The following SCN4A variants were observed in gnomAD, a reference collection of about 807,000 sequenced individuals.
The protein encoded by SCN4A is sodium voltage-gated channel alpha subunit 4.
A neutral mutation model predicts 162.0 loss-of-function variants in SCN4A; 83 were observed. The observed-to-expected ratio is 0.51, with a 90% CI of 0.43 to 0.61. The LOEUF is 0.61. Ranked by LOEUF, SCN4A falls within the 20% of genes least tolerant of loss-of-function variation. The probability of loss-of-function intolerance (pLI) is 0.00; values close to 1 mark genes in which losing one functional copy is unlikely to be tolerated. For synonymous variants in SCN4A, 944 were observed against 985.1 expected, an observed-to-expected ratio of 0.96 and a Z score of 0.78; for missense variants, 2,196 against 2,462.5, an observed-to-expected ratio of 0.89 and a Z score of 2.29.
Position 63,950,368 on chromosome 17 carries a change from C to T in SCN4A, c.2854-840G>A, listed in dbSNP as rs918127024. On this transcript the variant is annotated intron_variant, in intron 14 of 23. Coordinates refer to ENST00000435607, the MANE Select transcript of SCN4A (RefSeq NM_000334.4). This position sits in a 1 kb window ranked among gnomAD's most constrained non-coding sequence, Gnocchi z 4.6. ...AGGGCATCCACTGAGTTGCTTGCCC[C>T]GATTGTGCACTCAACTCCCTAAATC... Among the ~76,000 whole-genome samples, 10 of 152,206 alleles carry T rather than the reference C, an allele frequency of 6.6e-5. No individual in the cohort carries two copies. Among genetic ancestry groups the T allele is most frequent in the African/African-American group, 1.9e-4 (8 of 41,530 alleles).
At chr17:63,949,676 G>T in intron 14 of SCN4A, 148 bp from the exon 15 acceptor site, 1 of 954,632 alleles carries the variant, frequency 1.0e-6, no homozygotes, top group Non-Finnish European at 1.5e-6. Context: ...TCCAGCCCTG[G>T]ATGGTCGAGG....
intron 5 of SCN4A, 138 bp downstream of exon 5, chr17:63,971,024 C>A: frequency 1.5e-6 from 1 of 650,514 alleles, no homozygotes. Context: ...CACGTGGGCC[C>A]CTGTATGTCC....
Position 63,944,443 on chromosome 17 carries a change from C to T in SCN4A, c.3912+230G>A, listed in dbSNP as rs148501099. Among the ~76,000 whole-genome samples, 72 of 152,262 alleles carry T rather than the reference C, an allele frequency of 4.7e-4. No individual in the cohort carries two copies. The highest frequency in any genetic ancestry group is 1.7e-3 in the African/African-American group (69 of 41,552). On this transcript the variant is annotated intron_variant, in intron 21 of 23. Coordinates refer to ENST00000435607, the MANE Select transcript of SCN4A (RefSeq NM_000334.4). The surrounding 1 kb of genome is among the most constrained non-coding windows in gnomAD (Gnocchi z 4.3). ...TGCTGGGATTACAAGCATGAGCCACCGTGCCTGGCCCAGCAGTCTCATTTT... is the reference window on the plus strand; with the variant it reads ...TGCTGGGATTACAAGCATGAGCCACTGTGCCTGGCCCAGCAGTCTCATTTT...
In SCN4A at chr17:63,945,708, A is replaced by G; in HGVS notation, c.3442-70T>C. 6.7e-7 allele frequency: 1 copy of G among 1,488,350 alleles called. No homozygotes were observed. Among genetic ancestry groups the G allele is most frequent in the Non-Finnish European group, 9.2e-7 (1 of 1,088,644 alleles). The allele number at this position is 1,488,350 out of a possible 1,614,324, so 92.2% of individuals were successfully genotyped here. ...AGAGAGGGCTCCACATCTCTACGCC[A>G]CCCAGGGGACCAGGCAGAGCTGGGC... On this transcript the variant is annotated intron_variant, in intron 18 of 23. Coordinates refer to ENST00000435607, the MANE Select transcript of SCN4A (RefSeq NM_000334.4). This position sits in a 1 kb window ranked among gnomAD's most constrained non-coding sequence, Gnocchi z 4.4.
Position 63,961,408 on chromosome 17 carries a change from A to G in SCN4A, c.1630T>C (p.Cys544Arg). Residue 544 changes from cysteine to arginine, a missense_variant, in exon 11 of 24, where the codon TGC (cysteine) becomes CGC (arginine). Physicochemically the swap from Cys to Arg is radical, Grantham distance 180 (BLOSUM62 -3). Transcript: ENST00000435607. ...GCGCACTTGTACCACCATGGTGGGC[A>G]CTTTTGGTGGGCCTCTTCCAGTTCT... ...MEELEEAHQK[C>R]PPWWYKCAHK... is the part of the protein sequence containing the mutation. 6.2e-7 allele frequency: 1 copy of G among 1,613,358 alleles called. No homozygotes were observed. The highest frequency in any genetic ancestry group is 8.5e-7 in the Non-Finnish European group (1 of 1,179,442).
At chr17:63,955,234 T>C (rs1005392914) in intron 13 of SCN4A, among the ~76,000 whole-genome samples, 4 of 152,306 alleles carry the variant, frequency 2.6e-5, no homozygotes, top group Non-Finnish European at 5.9e-5. Flanking sequence ...TAACATTACC[T>C]GTCTCATGGG....
chr17:63,961,375 C>G lies in SCN4A; in HGVS notation c.1663G>C (p.Val555Leu). 6.2e-7 allele frequency: 1 copy of G among 1,613,876 alleles called. No homozygotes were observed. The highest frequency in any genetic ancestry group is 8.5e-7 in the Non-Finnish European group (1 of 1,179,828). ...PPWWYKCAHK[V>L]LIWNCCAPWL... ...GGGGCGCAGCAGTTCCATATGAGCA[C>G]TTTGTGGGCGCACTTGTACCACCAT... The change falls in exon 11 of 24, where the codon GTG becomes CTG. Residue 555 changes from valine to leucine, a missense_variant. Coordinates refer to ENST00000435607, the MANE Select transcript of SCN4A (RefSeq NM_000334.4).
rs758946568 is a variant in SCN4A, at chr17:63,951,568, G to A, written c.2709C>T (p.Pro903=). 1.9e-6 allele frequency: 3 copies of A among 1,613,988 alleles called. No homozygotes were observed. The highest frequency in any genetic ancestry group is 2.5e-6 in the Non-Finnish European group (3 of 1,179,868). The part of the protein sequence containing the change: ...ILNHMGLADG[P]PSSLELDHLN... ...GGTGGTCCAGCTCGAGGCTGGATGG[G>A]GGGCCGTCAGCCAGGCCCATGTGGT... is the stretch of plus-strand genomic sequence containing the variant. The change falls in exon 14 of 24, where the codon CCC becomes CCT. Residue 903 remains proline (P), a synonymous_variant. Coordinates refer to ENST00000435607, the MANE Select transcript of SCN4A (RefSeq NM_000334.4). This position sits in a 1 kb window ranked among gnomAD's most constrained non-coding sequence, Gnocchi z 4.5.
chr17:63,943,944 C>A (rs1043393381), intron 21 of SCN4A, 94 bp from the exon 22 acceptor site: 8 of 740,968 alleles, frequency 1.1e-5, no homozygotes, highest in African/African-American at 1.7e-5. Flanking sequence ...ACCTTTAAGG[C>A]AGCCCCCGCC....
At chr17:63,955,827 C>T (rs1474235909) in intron 13 of SCN4A, among the ~76,000 whole-genome samples, 1 of 152,222 alleles carries the variant, frequency 6.6e-6, no homozygotes, top group African/African-American at 2.4e-5. Context: ...GCTGAGGTGA[C>T]ACCCCCTTCC....
chr17:63,947,133 C>G lies in SCN4A; in HGVS notation c.3353G>C (p.Gly1118Ala). 6.2e-7 allele frequency: 1 copy of G among 1,613,486 alleles called. No homozygotes were observed. Among genetic ancestry groups the G allele is most frequent in the Non-Finnish European group, 8.5e-7 (1 of 1,179,768 alleles). The change falls in exon 18 of 24, where the codon GGC (glycine) becomes GCC (alanine). Residue 1118 changes from glycine to alanine, a missense_variant. Physicochemically the swap from Gly to Ala is moderately conservative, Grantham distance 60. Transcript: ENST00000435607. The part of the protein sequence containing the change: ...SIISLVANWL[G>A]YSELGPIKSL... ...TTTGATGGGTCCCAGCTCCGAGTAGCCCAGCCAGTTGGCCACCAAGCTGAT... is the reference window on the plus strand; with the variant it reads ...TTTGATGGGTCCCAGCTCCGAGTAGGCCAGCCAGTTGGCCACCAAGCTGAT...
chr17:63,957,664 T>C (rs2144793548), intron 12 of SCN4A, 146 bp from the exon 13 acceptor site: 1 of 619,858 alleles, frequency 1.6e-6, no homozygotes. Context: ...TTCTGCTAAA[T>C]GGGAACACTC....
rs1263024807 is a variant in SCN4A at position 63,944,306 on chromosome 17, A to G, written c.3912+367T>C. On this transcript the variant is annotated intron_variant, in intron 21 of 23. Coordinates refer to ENST00000435607, the MANE Select transcript of SCN4A (RefSeq NM_000334.4). This position sits in a 1 kb window ranked among gnomAD's most constrained non-coding sequence, Gnocchi z 4.3. ...AGATGCCTGCCACCACGCCTGGCTA[A>G]TTTCTTTTTTTAATTTTTTTTGTAT... Among the ~76,000 whole-genome samples, 1 of 151,860 alleles carries G rather than the reference A, an allele frequency of 6.6e-6. No individual in the cohort carries two copies. The highest frequency in any genetic ancestry group is 1.5e-5 in the Non-Finnish European group (1 of 67,970).
rs748965677 is a variant in SCN4A at position 63,944,722 on chromosome 17, T to C, written c.3863A>G (p.Asn1288Ser). The part of the protein sequence containing the change: ...FIIFGSFFTL[N>S]LFIGVIIDNF... Reference sequence around the variant, plus strand: ...GTCAATGATGACGCCAATGAAGAGGTTGAGGGTGAAGAAGGAGCCAAAGAT... The same window carrying C: ...GTCAATGATGACGCCAATGAAGAGGCTGAGGGTGAAGAAGGAGCCAAAGAT... Residue 1288 changes from asparagine (N) to serine (S), a missense_variant, in exon 21 of 24, where the codon AAC becomes AGC. Physicochemically the swap from Asn to Ser is conservative, Grantham distance 46. Coordinates refer to ENST00000435607, the MANE Select transcript of SCN4A (RefSeq NM_000334.4). This position sits in a 1 kb window ranked among gnomAD's most constrained non-coding sequence, Gnocchi z 4.3. 6.2e-7 allele frequency: 1 copy of C among 1,612,858 alleles called. No individual in the cohort carries two copies. Among genetic ancestry groups the C allele is most frequent in the Non-Finnish European group, 8.5e-7 (1 of 1,179,494 alleles).
rs374529559 is a variant in SCN4A at position 63,972,379 on chromosome 17, C to T, written c.365G>A (p.Arg122His). ...ATGGATGAGCACCTTGATGGCCCCG[C>T]GCCTGACTACGCTGAAGGGGCTCAG... The part of the protein sequence containing the change: ...YLLSPFSVVR[R>H]GAIKVLIHAL... The change falls in exon 2 of 24, where the codon CGC (arginine) becomes CAC (histidine). Residue 122 changes from arginine (R) to histidine (H), a missense_variant. Arg to His is a conservative substitution (Grantham distance 29). Coordinates refer to ENST00000435607, the MANE Select transcript of SCN4A (RefSeq NM_000334.4). This position sits in a 1 kb window ranked among gnomAD's most constrained non-coding sequence, Gnocchi z 4.3. 1.5e-4 allele frequency: 246 copies of T among 1,613,814 alleles called. No individual in the cohort carries two copies. Among genetic ancestry groups the T allele is most frequent in the Non-Finnish European group, 2.0e-4 (234 of 1,179,872 alleles).
At position 63,966,046 on chromosome 17, in the gene SCN4A, C is replaced by A. The variant is rs1042929112; in HGVS notation, c.1242+56G>T. Reference sequence around the variant, plus strand: ...GCCCCATCAGGCCCTGAAGAGGCTGCAGGGATGGAGGGGGAGTGGCTGTAG... The same window carrying A: ...GCCCCATCAGGCCCTGAAGAGGCTGAAGGGATGGAGGGGGAGTGGCTGTAG... On this transcript the variant is annotated intron_variant, in intron 8 of 23. Transcript: ENST00000435607. 27 of 1,360,690 alleles carry A rather than the reference C, an allele frequency of 2.0e-5. No individual in the cohort carries two copies. In the Admixed American group the frequency reaches 4.4e-4, roughly 22 times the overall value. 84.3% of individuals were successfully genotyped at this position (1,360,690 alleles called of 1,614,324 possible).
At chr17:63,963,974 C>A in intron 9 of SCN4A, 149 bp from the exon 10 acceptor site, 1 of 718,348 alleles carries the variant, frequency 1.4e-6, no homozygotes, top group Non-Finnish European at 2.2e-6. Flanking sequence ...GGGGAGGGAC[C>A]AACCTCCATG....
Position 63,941,272 on chromosome 17 carries a change from T to C in SCN4A, c.5010A>G (p.Pro1670=), listed in dbSNP as rs753545280. Residue 1670 remains proline, a synonymous_variant, in exon 24 of 24, where the codon CCA becomes CCG. Transcript: ENST00000435607. This position sits in a 1 kb window ranked among gnomAD's most constrained non-coding sequence, Gnocchi z 6.2. ...KLITLDLPMV[P]GDKIHCLDIL... ...TGTCCAGGCAGTGGATCTTGTCCCC[T>C]GGCACCATGGGCAAGTCCAGTGTGA... 1.1e-5 allele frequency: 18 copies of C among 1,613,928 alleles called. No individual in the cohort carries two copies. The highest frequency in any genetic ancestry group is 1.4e-5 in the Non-Finnish European group (17 of 1,179,868).
At position 63,972,199 on chromosome 17, in the gene SCN4A, G is replaced by A. The variant is rs967530693; in HGVS notation, c.419C>T (p.Thr140Ile). The A allele has an allele frequency of 5.0e-6, 8 of 1,613,584 alleles. No individual in the cohort carries two copies. In the African/African-American group the frequency reaches 6.7e-5, roughly 13 times the overall value. The change falls in exon 3 of 24, where the codon ACC becomes ATC. Residue 140 changes from threonine to isoleucine, a missense_variant. Coordinates refer to ENST00000435607, the MANE Select transcript of SCN4A (RefSeq NM_000334.4). The surrounding 1 kb of genome is among the most constrained non-coding windows in gnomAD (Gnocchi z 4.3). Reference sequence around the variant, plus strand: ...CATGAATACGCAGTTGGTCAAGATGGTGATCATGATGAACATGCTGAACAG... The same window carrying A: ...CATGAATACGCAGTTGGTCAAGATGATGATCATGATGAACATGCTGAACAG... ...HALFSMFIMI[T>I]ILTNCVFMTM...
Sources: allele counts gnomAD v4.1 joint callset (sites outside exome capture counted in the v4.1 genomes callset), GRCh38; gene constraint gnomAD v4.1.1; non-coding constraint Gnocchi (gnomAD v3.1); transcripts MANE v1.5; gene names NCBI Gene and HGNC (gene_info 2026-07-23, HGNC 2026-07-21).